TECPR2: variants seen among roughly 807,000 people sequenced by gnomAD.
TECPR2 encodes tectonin beta-propeller repeat-containing protein 2.
Under a neutral mutation model 138.1 loss-of-function variants are expected in TECPR2, and 65 were observed. The observed-to-expected ratio is 0.47, with a 90% CI of 0.39 to 0.58. The LOEUF is 0.58. Among genes scored for constraint, TECPR2 ranks in the 20% least tolerant of loss-of-function variants. TECPR2 has a pLI of 0.00. For synonymous variants in TECPR2, 746 were observed against 749.8 expected, an observed-to-expected ratio of 0.99 and a Z score of 0.08; for missense variants, 1,553 against 1,824.5, an observed-to-expected ratio of 0.85 and a Z score of 2.71.
chr14:102,434,883 C>T lies in TECPR2; in HGVS notation c.2066C>T (p.Ala689Val), dbSNP rs753758619. 5 of 1,613,674 alleles carry T rather than the reference C, an allele frequency of 3.1e-6. No homozygotes were observed. The Admixed American group carries it at 8.3e-5, about 27-fold the overall frequency. The change falls in exon 9 of 20, where the codon GCC becomes GTC. Residue 689 changes from alanine to valine, a missense_variant. By Grantham distance (64) the Ala-to-Val change is moderately conservative (BLOSUM62 0). Coordinates refer to ENST00000359520, the MANE Select transcript of TECPR2 (RefSeq NM_014844.5). Reference sequence around the variant, plus strand: ...CAGGACATCCTAACCAGCATGGAGGCCTCTGGCCACCTCAGCACAAATCTC... The same window carrying T: ...CAGGACATCCTAACCAGCATGGAGGTCTCTGGCCACCTCAGCACAAATCTC... The part of the protein sequence containing the change: ...QEQDILTSME[A>V]SGHLSTNLWH...
At chr14:102,452,344 C>G (rs376887401) in intron 15 of TECPR2, 50 bp from the exon 16 acceptor site, 2 of 1,552,182 alleles carry the variant, frequency 1.3e-6, no homozygotes, top group Non-Finnish European at 8.8e-7. Context: ...TTAGGGCAGG[C>G]GGCTTGGTGC....
In TECPR2 at chr14:102,434,533, C is replaced by A. The variant is rs202219310; in HGVS notation, c.1716C>A (p.His572Gln). Residue 572 changes from histidine (H) to glutamine (Q), a missense_variant, in exon 9 of 20, where the codon CAC becomes CAA. Coordinates refer to ENST00000359520, the MANE Select transcript of TECPR2 (RefSeq NM_014844.5). Reference protein sequence around the residue: ...EEDDIRTEMPHCHHAHGRELL... With the variant: ...EEDDIRTEMPQCHHAHGRELL... ...ATGACATTAGAACTGAAATGCCACACTGTCACCATGCACATGGGCGGGAGC... is the reference window on the plus strand; with the variant it reads ...ATGACATTAGAACTGAAATGCCACAATGTCACCATGCACATGGGCGGGAGC... The A allele has an allele frequency of 9.6e-6, 15 of 1,555,660 alleles. No individual in the cohort carries two copies. The highest frequency in any genetic ancestry group is 1.3e-5 in the Non-Finnish European group (15 of 1,149,838).
intron 2 of TECPR2, among the ~76,000 whole-genome samples, chr14:102,384,846 CTTTTTTTT>C (rs58616138): frequency 0.036 from 3,608 of 99,250 alleles, 167 homozygotes; most frequent in African/African-American, 0.13. Context: ...TTTTCCTTTC[CTTTTTTTT>C]TTTTTTTTTT....
chr14:102,371,835 A>T (rs1039889882), intron 1 of TECPR2, among the ~76,000 whole-genome samples: 1 of 152,216 alleles, frequency 6.6e-6, no homozygotes, highest in Non-Finnish European at 1.5e-5. Context: ...TAAAAATCAC[A>T]TTCTAGGGGA....
chr14:102,396,800 G>A (rs1261227111), intron 2 of TECPR2, among the ~76,000 whole-genome samples: 1 of 152,234 alleles, frequency 6.6e-6, no homozygotes, highest in Non-Finnish European at 1.5e-5. Context: ...CACAGCGTGG[G>A]AGCCAGAATA....
At chr14:102,387,806 G>A (rs1241360362) in intron 2 of TECPR2, among the ~76,000 whole-genome samples, 3 of 152,160 alleles carry the variant, frequency 2.0e-5, no homozygotes, top group South Asian at 4.1e-4. Flanking sequence ...GATTACAGGC[G>A]TGAGCCACCA....
Position 102,458,223 on chromosome 14 carries a change from G to A in TECPR2, c.3640+5596G>A, listed in dbSNP as rs193267241. ...GACCAGAGTGCTCTTTTGGCCAGTC[G>A]CTCAGCAGTGTCCTGGCCATCTACC... On this transcript the variant is annotated intron_variant, in intron 16 of 19. Transcript: ENST00000359520. 1.1e-4 allele frequency among the ~76,000 whole-genome samples: 17 copies of A among 152,204 alleles called. No individual in the cohort carries two copies. The East Asian group carries it at 2.7e-3, about 24-fold the overall frequency.
At chr14:102,466,079 A>G (rs1890545750) in intron 17 of TECPR2, among the ~76,000 whole-genome samples, 1 of 152,216 alleles carries the variant, frequency 6.6e-6, no homozygotes, top group South Asian at 2.1e-4. Context: ...CAGTGGAGTC[A>G]GGAAAGAGGT....
intron 4 of TECPR2, among the ~76,000 whole-genome samples, chr14:102,410,482 TAAAAAATAAAA>T (rs1441181676): frequency 9.6e-5 from 6 of 62,654 alleles, no homozygotes; most frequent in African/African-American, 3.7e-4. Flanking sequence ...AAAAAAAAAA[TAAAAAATAAAA>T]AATAAAAAAA....
At chr14:102,479,057 A>G (rs1890831563) in intron 17 of TECPR2, among the ~76,000 whole-genome samples, 1 of 151,794 alleles carries the variant, frequency 6.6e-6, no homozygotes, top group African/African-American at 2.4e-5. Flanking sequence ...GAAATGATTG[A>G]AGCTGTTTTT....
At position 102,376,656 on chromosome 14, in the gene TECPR2, G is replaced by C; in HGVS notation, c.-66G>C. 6.9e-7 allele frequency: 1 copy of C among 1,448,568 alleles called. No homozygotes were observed. Among genetic ancestry groups the C allele is most frequent in the Admixed American group, 1.8e-5 (1 of 56,678 alleles). 89.7% of individuals were successfully genotyped at this position (1,448,568 alleles called of 1,614,324 possible). A position where few individuals can be genotyped will look rare whatever the true frequency, so the allele number is the denominator to read the frequency against. ...GTAATGCTTTGTTCTGTAGCCCCCA[G>C]GTTTCCCTAGATGACAAATAAACAT... On this transcript the variant is annotated 5_prime_UTR_variant, in exon 2 of 20. Coordinates refer to ENST00000359520, the MANE Select transcript of TECPR2 (RefSeq NM_014844.5).
chr14:102,381,180 C>T (rs1481404320), intron 2 of TECPR2, among the ~76,000 whole-genome samples: 1 of 152,156 alleles, frequency 6.6e-6, no homozygotes, highest in East Asian at 1.9e-4. Context: ...AGGCTGGTGT[C>T]AAACTCCTGA....
At position 102,388,960 on chromosome 14, in the gene TECPR2, C is replaced by CA. The variant is rs778348018; in HGVS notation, c.219+12040dup. ...TGGGCGACAGAGCAAGACTCCGTCTCAAAAAAAAAAAAAAAAAAAATTAGC... is the reference window on the plus strand; with the variant it reads ...TGGGCGACAGAGCAAGACTCCGTCTCAAAAAAAAAAAAAAAAAAAAATTAGC... On this transcript the variant is annotated intron_variant, in intron 2 of 19. Coordinates refer to ENST00000359520, the MANE Select transcript of TECPR2 (RefSeq NM_014844.5). 9.8e-3 allele frequency among the ~76,000 whole-genome samples: 583 copies of CA among 59,274 alleles called. 8 individuals carry two copies. The highest frequency in any genetic ancestry group is 0.022 in the African/African-American group (311 of 14,138). 38.9% of individuals were successfully genotyped at this position (59,274 alleles called of 152,430 possible).
At chr14:102,455,879 C>T (rs1333954372) in intron 16 of TECPR2, among the ~76,000 whole-genome samples, 1 of 152,250 alleles carries the variant, frequency 6.6e-6, no homozygotes, top group Non-Finnish European at 1.5e-5. Context: ...TCCCAAAGTG[C>T]TGGGATTACA....
chr14:102,403,847 A>C (rs953855020), intron 2 of TECPR2, among the ~76,000 whole-genome samples: 1 of 152,218 alleles, frequency 6.6e-6, no homozygotes, highest in African/African-American at 2.4e-5. Flanking sequence ...GAAATTAAAG[A>C]CATAGGTAAA....
Position 102,449,693 on chromosome 14 carries a change from C to G in TECPR2, c.3140C>G (p.Thr1047Ser). ...CSLFQTIIHA[T>S]HSVATAAQAP... Reference sequence around the variant, plus strand: ...TTATTTCAGACGATAATCCATGCCACTCACTCGGTGGCCACAGCAGCCCAA... The same window carrying G: ...TTATTTCAGACGATAATCCATGCCAGTCACTCGGTGGCCACAGCAGCCCAA... Residue 1047 changes from threonine to serine, a missense_variant, in exon 14 of 20, where the codon ACT becomes AGT. By Grantham distance (58) the Thr-to-Ser change is moderately conservative. Coordinates refer to ENST00000359520, the MANE Select transcript of TECPR2 (RefSeq NM_014844.5). 1 of 1,614,226 alleles carries G rather than the reference C, an allele frequency of 6.2e-7. No individual in the cohort carries two copies. The highest frequency in any genetic ancestry group is 8.5e-7 in the Non-Finnish European group (1 of 1,180,046).
chr14:102,438,664 A>C (rs1405335784), intron 10 of TECPR2, among the ~76,000 whole-genome samples: 2 of 152,118 alleles, frequency 1.3e-5, no homozygotes, highest in Non-Finnish European at 2.9e-5. Flanking sequence ...CTCTTTAGGA[A>C]TTCTGTTTTA....
At chr14:102,456,772 G>A (rs1890286046) in intron 16 of TECPR2, among the ~76,000 whole-genome samples, 1 of 151,640 alleles carries the variant, frequency 6.6e-6, no homozygotes. Flanking sequence ...TGTATTTTTA[G>A]TAGAGATGGG....
chr14:102,455,324 G>A (rs1054308085), intron 16 of TECPR2, among the ~76,000 whole-genome samples: 1 of 152,218 alleles, frequency 6.6e-6, no homozygotes, highest in Non-Finnish European at 1.5e-5. Flanking sequence ...GAATCAGACA[G>A]CAGTGGGTGC....
Sources: allele counts gnomAD v4.1 joint callset (sites outside exome capture counted in the v4.1 genomes callset), GRCh38; gene constraint gnomAD v4.1.1; transcripts MANE v1.5; gene names NCBI Gene and HGNC (gene_info 2026-07-23, HGNC 2026-07-21).